HSP90AA1: variants seen among roughly 807,000 people sequenced by gnomAD.
The protein encoded by HSP90AA1 is heat shock protein HSP 90-alpha.
HSP90AA1 carries 18 observed loss-of-function variants against 73.3 expected under a neutral mutation model. The ratio of observed to expected loss-of-function variants is 0.25; its 90% confidence interval spans 0.17 to 0.36. The LOEUF (loss-of-function observed/expected upper bound fraction) is 0.36, where lower values mean the gene tolerates loss of function less well. HSP90AA1 is among the 10% of genes least tolerant of loss of function. The probability of loss-of-function intolerance (pLI) is 1.00; values close to 1 mark genes in which losing one functional copy is unlikely to be tolerated. For synonymous variants in HSP90AA1, 477 were observed against 296.9 expected, an observed-to-expected ratio of 1.61 and a Z score of -6.24; for missense variants, 704 against 874.2, an observed-to-expected ratio of 0.81 and a Z score of 2.45.
At chr14:102,137,745 T>C (rs182968242) in intron 1 of HSP90AA1, among the ~76,000 whole-genome samples, 1 of 151,396 alleles carries the variant, frequency 6.6e-6, no homozygotes, top group African/African-American at 2.4e-5. Flanking sequence ...GACTGGGCAC[T>C]GTGGCTCATG....
At chr14:102,095,557 G>A (rs2049413547) in intron 2 of HSP90AA1, among the ~76,000 whole-genome samples, 1 of 152,190 alleles carries the variant, frequency 6.6e-6, no homozygotes, top group African/African-American at 2.4e-5. Flanking sequence ...GGGAGGGACA[G>A]GCCAGAAACA....
chr14:102,110,591 T>C (rs529702585), intron 1 of HSP90AA1, among the ~76,000 whole-genome samples: 2 of 150,380 alleles, frequency 1.3e-5, no homozygotes, highest in African/African-American at 2.4e-5. Flanking sequence ...GGATAATTTT[T>C]TTTTTTTTGA....
intron 1 of HSP90AA1, among the ~76,000 whole-genome samples, chr14:102,138,283 A>G (rs1243309547): frequency 6.6e-6 from 1 of 152,148 alleles, no homozygotes; most frequent in Non-Finnish European, 1.5e-5. Context: ...AATTATTTTT[A>G]GATGATTCAA....
Position 102,081,732 on chromosome 14 carries a change from G to C in HSP90AA1, c.2179C>G (p.Arg727Gly), listed in dbSNP as rs1255503480. Residue 727 changes from arginine (R) to glycine (G), a missense_variant, in exon 11 of 11, where the codon CGC (arginine) becomes GGC (glycine). By Grantham distance (125) the Arg-to-Gly change is moderately radical. Transcript: ENST00000216281. ...AGAGATTAGTCTACTTCTTCCATGC[G>C]TGATGTGTCGTCATCTCCTTCAAGG... ...PPLEGDDDTS[R>G]MEEVD The C allele has an allele frequency of 6.5e-7, 1 of 1,542,210 alleles. No homozygotes were observed. The highest frequency in any genetic ancestry group is 9.0e-7 in the Non-Finnish European group (1 of 1,114,580).
Position 102,086,425 on chromosome 14 carries a change from A to C in HSP90AA1, c.1-47T>G, listed in dbSNP as rs763613839. ...TTAAAACCTTGCAGGACGTCTACAG[A>C]GGCAACACGAAATTCCATCGCGTTC... On this transcript the variant is annotated intron_variant, in intron 1 of 10. Coordinates refer to ENST00000216281, the MANE Select transcript of HSP90AA1 (RefSeq NM_005348.4). The C allele has an allele frequency of 3.1e-6, 5 of 1,597,912 alleles. No homozygotes were observed. The Admixed American group carries it at 8.3e-5, about 27-fold the overall frequency.
Position 102,081,102 on chromosome 14 carries a change from T to TAC in HSP90AA1, c.*608_*609dup, listed in dbSNP as rs1421854434. 9 of 229,708 alleles carry TAC rather than the reference T, an allele frequency of 3.9e-5. No individual in the cohort carries two copies. Among genetic ancestry groups the TAC allele is most frequent in the Admixed American group, 5.5e-5 (1 of 18,314 alleles). 14.2% of individuals were successfully genotyped at this position (229,708 alleles called of 1,614,324 possible). A position where few individuals can be genotyped will look rare whatever the true frequency, so the allele number is the denominator to read the frequency against. ...TTTAAGCAGAATGTGACTCGAGCAC[T>TAC]ACATTTCCATCCACAAGACTGGGTC... On this transcript the variant is annotated 3_prime_UTR_variant, in exon 11 of 11. Transcript: ENST00000216281.
rs1390827633 is a variant in HSP90AA1 at position 102,085,933 on chromosome 14, G to A, written c.354C>T (p.Phe118=). The A allele has an allele frequency of 5.6e-6, 9 of 1,613,988 alleles. No individual in the cohort carries two copies. Among genetic ancestry groups the A allele is most frequent in the Non-Finnish European group, 7.6e-6 (9 of 1,179,868 alleles). ...CTGCACCAGCCTGCAAAGCTTCCATGAACGCTTTGGTCCCAGACTTGGCGA... is the reference window on the plus strand; with the variant it reads ...CTGCACCAGCCTGCAAAGCTTCCATAAACGCTTTGGTCCCAGACTTGGCGA... ...GTIAKSGTKA[F]MEALQAGADI... Residue 118 remains phenylalanine (F), a synonymous_variant, in exon 3 of 11, where the codon TTC becomes TTT. Transcript: ENST00000216281.
upstream of HSP90AA1, chr14:102,139,749 C>A: frequency 2.1e-6 from 2 of 957,966 alleles, no homozygotes; most frequent in Non-Finnish European, 3.0e-6. Flanking sequence ...CCTGCGCAGT[C>A]GGGCCGTAAA....
chr14:102,086,758 G>T (rs1215440493), intron 1 of HSP90AA1, among the ~76,000 whole-genome samples: 1 of 151,464 alleles, frequency 6.6e-6, no homozygotes, highest in Non-Finnish European at 1.5e-5. Flanking sequence ...CAGCTCTGGC[G>T]CTGCTGCAGA....
chr14:102,111,357 C>T (rs1469095600), intron 1 of HSP90AA1, among the ~76,000 whole-genome samples: 2 of 152,364 alleles, frequency 1.3e-5, no homozygotes, highest in Admixed American at 6.5e-5. Flanking sequence ...CTAAAAGGGG[C>T]CAAGGAACAG....
chr14:102,108,289 T>C (rs1375214287), intron 1 of HSP90AA1, among the ~76,000 whole-genome samples: 1 of 145,054 alleles, frequency 6.9e-6, no homozygotes, highest in Admixed American at 7.0e-5. Context: ...AAAAAAAAAT[T>C]GGGCCTCGTT....
intron 1 of HSP90AA1, among the ~76,000 whole-genome samples, chr14:102,119,456 A>T (rs1309619336): frequency 2.0e-5 from 3 of 152,002 alleles, no homozygotes; most frequent in Non-Finnish European, 4.4e-5. Flanking sequence ...GCATATGGAA[A>T]CTTCTATCAT....
chr14:102,129,811 CCTTT>C (rs60827452), intron 1 of HSP90AA1, among the ~76,000 whole-genome samples: 100,386 of 151,534 alleles, frequency 0.66, 36,718 homozygotes, highest in East Asian at 0.92. Flanking sequence ...CAACTACATT[CCTTT>C]CTATCATAGC....
Position 102,082,503 on chromosome 14 carries a change from T to G in HSP90AA1, c.1756-59A>C, listed in dbSNP as rs894518053. 6 of 1,381,172 alleles carry G rather than the reference T, an allele frequency of 4.3e-6. No homozygotes were observed. The African/African-American group carries it at 8.5e-5, about 20-fold the overall frequency. 85.6% of individuals were successfully genotyped at this position (1,381,172 alleles called of 1,614,324 possible). ...AAGATTAATTCCTAAACTTTCATTG[T>G]GAAATGAAATCTGTAGAACCCAAAT... On this transcript the variant is annotated intron_variant, in intron 9 of 10. Transcript: ENST00000216281.
At chr14:102,093,960 C>CT (rs1410253363) in intron 2 of HSP90AA1, among the ~76,000 whole-genome samples, 3 of 145,364 alleles carry the variant, frequency 2.1e-5, no homozygotes, top group African/African-American at 7.7e-5. Flanking sequence ...AGTCTTTTTT[C>CT]TTTTTTCAAA....
In HSP90AA1 at chr14:102,085,010, AAC is replaced by A; in HGVS notation, c.664-14_664-13del. On this transcript the variant is annotated splice_polypyrimidine_tract_variant and intron_variant, in intron 4 of 10. Coordinates refer to ENST00000216281, the MANE Select transcript of HSP90AA1 (RefSeq NM_005348.4). The stretch of plus-strand genomic sequence containing the variant: ...CGTTCCTTCTCCACCTTCAAAAGAA[AAC>A]ACGAAATCACATCACTGCTGCACTC... 6.2e-7 allele frequency: 1 copy of A among 1,613,976 alleles called. No homozygotes were observed. The highest frequency in any genetic ancestry group is 8.5e-7 in the Non-Finnish European group (1 of 1,179,920).
chr14:102,137,935 A>C (rs970453452), intron 1 of HSP90AA1, among the ~76,000 whole-genome samples: 1 of 151,910 alleles, frequency 6.6e-6, no homozygotes, highest in Non-Finnish European at 1.5e-5. Context: ...GAATCGCTTG[A>C]ACCTGGGAGG....
chr14:102,136,110 T>TC (rs1217256442), intron 1 of HSP90AA1, among the ~76,000 whole-genome samples: 2 of 152,194 alleles, frequency 1.3e-5, no homozygotes, highest in Non-Finnish European at 2.9e-5. Flanking sequence ...TTCAAATAAT[T>TC]GAAAGTTTTT....
intron 1 of HSP90AA1, among the ~76,000 whole-genome samples, chr14:102,128,257 C>T (rs1054409313): frequency 7.2e-5 from 11 of 152,004 alleles, no homozygotes; most frequent in Non-Finnish European, 1.2e-4. Flanking sequence ...TTTGGGAGGC[C>T]GAGGTGGGTG....
Sources: allele counts gnomAD v4.1 joint callset (sites outside exome capture counted in the v4.1 genomes callset), GRCh38; gene constraint gnomAD v4.1.1; transcripts MANE v1.5; gene names NCBI Gene and HGNC (gene_info 2026-07-23, HGNC 2026-07-21).